Variants in TENM3 observed in about 807,000 individuals in gnomAD.
TENM3 encodes teneurin transmembrane protein 3, also known as teneurin-3.
TENM3 carries 63 observed loss-of-function variants against 255.1 expected under a neutral mutation model. The ratio of observed to expected loss-of-function variants is 0.25; its 90% CI spans 0.20 to 0.30. The LOEUF (loss-of-function observed/expected upper bound fraction) is 0.30, where lower values mean the gene tolerates loss of function less well. Among genes scored for constraint, TENM3 ranks in the 10% least tolerant of loss-of-function variants. The probability of loss-of-function intolerance (pLI) is 1.00; values close to 1 mark genes in which losing one functional copy is unlikely to be tolerated. For synonymous variants in TENM3, 1,306 were observed against 1,322.3 expected (o/e 0.99, Z 0.27); for missense variants, 2,929 against 3,461.1 (o/e 0.85, Z 3.86).
At chr4:181,571,457 C>A in the TENM3 span, among the ~76,000 whole-genome samples, 1 of 152,098 alleles carries the variant, frequency 6.6e-6, no homozygotes, top group African/African-American at 2.4e-5. Context: ...CCTCTTCAGT[C>A]TCCTGAGTAG....
At chr4:182,200,114 T>C (rs917792579) in intron 1 of TENM3, among the ~76,000 whole-genome samples, 3 of 152,090 alleles carry the variant, frequency 2.0e-5, no homozygotes, top group African/African-American at 7.2e-5. Flanking sequence ...CAGACAGTGG[T>C]CTCAAAGGAA....
intron 1 of TENM3, among the ~76,000 whole-genome samples, chr4:182,273,817 T>A (rs1759812857): frequency 6.6e-6 from 1 of 152,242 alleles, no homozygotes; most frequent in South Asian, 2.1e-4. Context: ...TGTGAAGGAA[T>A]GCCAATTCGG....
intron 1 of TENM3, among the ~76,000 whole-genome samples, chr4:182,293,814 C>T (rs1000685385): frequency 1.9e-4 from 29 of 152,270 alleles, no homozygotes; most frequent in African/African-American, 6.7e-4. Flanking sequence ...AACTCTCTTT[C>T]CCTGAGCCCT....
chr4:182,244,175 G>C (rs1316331439), intron 1 of TENM3, among the ~76,000 whole-genome samples: 1 of 151,406 alleles, frequency 6.6e-6, no homozygotes, highest in Non-Finnish European at 1.5e-5. Context: ...GGATGGTCTC[G>C]ATCTCCTGAC....
At chr4:181,891,891 A>G in the TENM3 span, among the ~76,000 whole-genome samples, 1 of 152,078 alleles carries the variant, frequency 6.6e-6, no homozygotes, top group Admixed American at 6.6e-5. Flanking sequence ...TTAAGAGGTG[A>G]TTTAGCCATT....
chr4:181,547,183 A>G, the TENM3 span, among the ~76,000 whole-genome samples: 1 of 152,220 alleles, frequency 6.6e-6, no homozygotes, highest in African/African-American at 2.4e-5. Flanking sequence ...AAAAGTACAG[A>G]AAGCAGAATA....
At chr4:181,518,668 C>T in the TENM3 span, among the ~76,000 whole-genome samples, 1 of 152,158 alleles carries the variant, frequency 6.6e-6, no homozygotes, top group Admixed American at 6.5e-5. Context: ...ACCTCGTGAT[C>T]CGCCCGCCTC....
chr4:182,257,186 G>T (rs1336818620), intron 1 of TENM3, among the ~76,000 whole-genome samples: 3 of 152,186 alleles, frequency 2.0e-5, no homozygotes, highest in Admixed American at 6.5e-5. Context: ...TCCAGAATTT[G>T]CATTTCTAAC....
the TENM3 span, among the ~76,000 whole-genome samples, chr4:181,636,895 C>G: frequency 6.6e-6 from 1 of 152,196 alleles, no homozygotes; most frequent in East Asian, 1.9e-4. Flanking sequence ...TGCCCTGCAT[C>G]CTTTACACTT....
At chr4:182,481,598 C>A (rs556747565) in intron 3 of TENM3, among the ~76,000 whole-genome samples, 1 of 149,014 alleles carries the variant, frequency 6.7e-6, no homozygotes, top group Admixed American at 6.9e-5. Flanking sequence ...CGTTCACGAC[C>A]GGCCTGAGCA....
the TENM3 span, among the ~76,000 whole-genome samples, chr4:182,079,389 G>A: frequency 3.4e-4 from 51 of 152,140 alleles, no homozygotes; most frequent in East Asian, 8.9e-3. Flanking sequence ...AGTGGCGGGT[G>A]CCTGTAGTCC....
At chr4:182,388,038 G>T (rs1293940471) in intron 3 of TENM3, among the ~76,000 whole-genome samples, 2 of 151,480 alleles carry the variant, frequency 1.3e-5, no homozygotes, top group African/African-American at 2.4e-5. Context: ...GCATGTATCT[G>T]CATGCCCCAA....
At chr4:182,020,531 A>G in the TENM3 span, among the ~76,000 whole-genome samples, 11 of 152,144 alleles carry the variant, frequency 7.2e-5, no homozygotes, top group Non-Finnish European at 1.2e-4. Context: ...CATTTCACAT[A>G]GCTAGAAGGA....
At chr4:182,052,618 G>A in the TENM3 span, among the ~76,000 whole-genome samples, 2 of 152,202 alleles carry the variant, frequency 1.3e-5, no homozygotes, top group Admixed American at 6.5e-5. Flanking sequence ...TCGGAGCTCT[G>A]CATTTGCCTA....
At chr4:181,470,162 T>A in the TENM3 span, among the ~76,000 whole-genome samples, 1 of 150,650 alleles carries the variant, frequency 6.6e-6, no homozygotes, top group East Asian at 1.9e-4. Flanking sequence ...TACTGATGTT[T>A]TAAACAAAGT....
chr4:181,484,372 ACT>A, the TENM3 span, among the ~76,000 whole-genome samples: 7 of 151,614 alleles, frequency 4.6e-5, no homozygotes, highest in Admixed American at 1.3e-4. Context: ...GTGATGTGTG[ACT>A]CTTCCGGTGA....
chr4:182,279,591 AAG>A (rs1206607680), intron 1 of TENM3, among the ~76,000 whole-genome samples: 1 of 152,202 alleles, frequency 6.6e-6, no homozygotes, highest in Admixed American at 6.5e-5. Context: ...AAATATATAA[AAG>A]AAAGTGGGAG....
chr4:181,608,670 C>A, the TENM3 span, among the ~76,000 whole-genome samples: 83 of 151,952 alleles, frequency 5.5e-4, 1 homozygote, highest in East Asian at 0.013. Context: ...AGCATACAGA[C>A]CCAGTCTGAC....
intron 8 of TENM3, 148 bp from the exon 9 acceptor site, chr4:182,680,100 G>C: frequency 1.4e-6 from 1 of 733,954 alleles, no homozygotes; most frequent in Non-Finnish European, 2.3e-6. Context: ...AATATGTCAT[G>C]AAACACTTTG....
Sources: gnomAD v4.1 joint callset for allele counts (sites outside exome capture counted in the v4.1 genomes callset) on GRCh38, gnomAD v4.1.1 for gene constraint, MANE v1.5 for transcripts, NCBI Gene and HGNC (gene_info 2026-07-23, HGNC 2026-07-21) for gene names.